Variants in SDK1 observed in about 807,000 individuals in gnomAD.
SDK1 encodes the protein protein sidekick-1.
In SDK1, 157 loss-of-function variants were observed where a neutral mutation model predicts 245.5. That is an observed-to-expected ratio of 0.64 (90% CI 0.56 to 0.73). The LOEUF (loss-of-function observed/expected upper bound fraction) is 0.73, where lower values mean the gene tolerates loss of function less well. SDK1 is among the 30% of genes least tolerant of loss of function. The pLI is 0.00. For synonymous variants in SDK1, 1,647 were observed against 1,278.5 expected (o/e 1.29, Z -6.15); for missense variants, 3,583 against 3,002.3 (o/e 1.19, Z -4.52).
At chr7:3,463,558 G>A (rs892012619) in intron 1 of SDK1, among the ~76,000 whole-genome samples, 2 of 152,142 alleles carry the variant, frequency 1.3e-5, no homozygotes, top group Admixed American at 6.5e-5. Flanking sequence ...CCAGTAAATG[G>A]GATCATTTAG....
chr7:3,567,956 A>G (rs192253033), intron 1 of SDK1, among the ~76,000 whole-genome samples: 1 of 152,240 alleles, frequency 6.6e-6, no homozygotes, highest in African/African-American at 2.4e-5. Flanking sequence ...AGCTGGGACC[A>G]CAGGTATGCA....
At chr7:4,233,600 C>T (rs573259212) in intron 41 of SDK1, among the ~76,000 whole-genome samples, 181 bp downstream of exon 41, 1 of 151,982 alleles carries the variant, frequency 6.6e-6, no homozygotes, top group Non-Finnish European at 1.5e-5. Context: ...TCGAGGGGGA[C>T]CCTGGGAGGT....
intron 1 of SDK1, among the ~76,000 whole-genome samples, chr7:3,436,308 A>T (rs1191000510): frequency 6.6e-6 from 1 of 152,170 alleles, no homozygotes; most frequent in Non-Finnish European, 1.5e-5. Context: ...TAGAGGGATG[A>T]TTACGAAATA....
intron 5 of SDK1, among the ~76,000 whole-genome samples, chr7:3,909,534 C>T (rs1215355358): frequency 2.0e-5 from 3 of 152,196 alleles, no homozygotes; most frequent in African/African-American, 7.2e-5. Context: ...CTCCCAAAGA[C>T]AGTAAGCTCG....
intron 4 of SDK1, among the ~76,000 whole-genome samples, chr7:3,688,194 T>C (rs148157110): frequency 1.3e-5 from 2 of 152,324 alleles, no homozygotes; most frequent in Non-Finnish European, 2.9e-5. Context: ...TCAAAACAAC[T>C]GAGGCTTTTA....
chr7:3,888,096 G>C lies in SDK1; in HGVS notation c.848-62827G>C, dbSNP rs538692475. 1.5e-4 allele frequency among the ~76,000 whole-genome samples: 23 copies of C among 152,318 alleles called. No homozygotes were observed. In the Middle Eastern group the frequency reaches 0.014, roughly 90 times the overall value. ...AAAGAGTTAGTAAAGAATTGGGTCA[G>C]CCTTACTGAAACAAATGGTTGAAGT... On this transcript the variant is annotated intron_variant, in intron 5 of 44. Coordinates refer to ENST00000404826, the MANE Select transcript of SDK1 (RefSeq NM_152744.4).
intron 4 of SDK1, among the ~76,000 whole-genome samples, chr7:3,714,914 G>A (rs973381440): frequency 5.3e-5 from 8 of 152,118 alleles, no homozygotes; most frequent in African/African-American, 1.9e-4. Flanking sequence ...AATGTGCTTT[G>A]AGAGAATGCA....
chr7:3,602,073 A>G (rs1781271344), intron 1 of SDK1, among the ~76,000 whole-genome samples: 2 of 151,742 alleles, frequency 1.3e-5, no homozygotes, highest in South Asian at 4.2e-4. Context: ...AATCCAGTCT[A>G]TCGTTGTTGG....
intron 1 of SDK1, among the ~76,000 whole-genome samples, chr7:3,558,827 T>C (rs1164929718): frequency 6.6e-6 from 1 of 152,160 alleles, no homozygotes; most frequent in East Asian, 1.9e-4. Context: ...TTAGAGACTG[T>C]CAAAATTATT....
At chr7:3,981,200 G>T (rs1002483864) in intron 13 of SDK1, among the ~76,000 whole-genome samples, 2 of 152,126 alleles carry the variant, frequency 1.3e-5, no homozygotes, top group Non-Finnish European at 2.9e-5. Context: ...GGCACTCCCT[G>T]ATCACTGATC....
At chr7:3,451,545 C>G (rs904276935) in intron 1 of SDK1, among the ~76,000 whole-genome samples, 1 of 151,468 alleles carries the variant, frequency 6.6e-6, no homozygotes, top group East Asian at 1.9e-4. Flanking sequence ...TCAGTGTTAT[C>G]AGCAGTAGAA....
At chr7:4,247,650 G>C (rs1298784061) in intron 44 of SDK1, among the ~76,000 whole-genome samples, 1 of 152,214 alleles carries the variant, frequency 6.6e-6, no homozygotes. Context: ...GCACCGTGGG[G>C]GTGTCATAGC....
chr7:4,188,799 G>C (rs1284310135), intron 35 of SDK1, among the ~76,000 whole-genome samples: 1 of 151,920 alleles, frequency 6.6e-6, no homozygotes, highest in African/African-American at 2.4e-5. Context: ...TTTTTCCCCC[G>C]AAACCATCTA....
chr7:4,248,590 ATACT>A (rs564448109), intron 44 of SDK1, among the ~76,000 whole-genome samples: 184 of 152,196 alleles, frequency 1.2e-3, no homozygotes, highest in African/African-American at 4.0e-3. Flanking sequence ...ACACACATGC[ATACT>A]TAAATACACA....
rs530358317 is a variant in SDK1 at position 4,144,078 on chromosome 7, G to A, written c.4229-1644G>A. ...CAAGGGTCGGGGAAACGGGAGGCCT[G>A]TGGGAAGAGCTGGCCCTCTCCCTAC... On this transcript the variant is annotated intron_variant, in intron 28 of 44. Coordinates refer to ENST00000404826, the MANE Select transcript of SDK1 (RefSeq NM_152744.4). Among the ~76,000 whole-genome samples the A allele has an allele frequency of 2.6e-5, 4 of 151,928 alleles. No individual in the cohort carries two copies. The East Asian group carries it at 7.8e-4, about 30-fold the overall frequency.
At chr7:3,929,939 G>C (rs981748197) in intron 5 of SDK1, among the ~76,000 whole-genome samples, 2 of 152,074 alleles carry the variant, frequency 1.3e-5, no homozygotes, top group African/African-American at 4.8e-5. Flanking sequence ...GGTGAGGGGA[G>C]CCGGCGTGTC....
rs71029682 is a variant in SDK1, at chr7:3,582,683, T to TAAAAAAAAAAAAAAAAA, written c.299-36387_299-36371dup. Among the ~76,000 whole-genome samples, 157 of 69,678 alleles carry TAAAAAAAAAAAAAAAAA rather than the reference T, an allele frequency of 2.3e-3. 12 individuals carry two copies. The highest frequency in any genetic ancestry group is 8.5e-3 in the African/African-American group (150 of 17,696). The allele number at this position is 69,678 out of a possible 152,430, so 45.7% of individuals were successfully genotyped here. ...ATGTAGCCCTGAACCTAAACTAAAG[T>TAAAAAAAAAAAAAAAAA]AAAAAAAAAAAAAAAAAAAAAAAAA... is the stretch of plus-strand genomic sequence containing the variant. On this transcript the variant is annotated intron_variant, in intron 1 of 44. Coordinates refer to ENST00000404826, the MANE Select transcript of SDK1 (RefSeq NM_152744.4).
At chr7:3,685,975 A>G (rs1038337044) in intron 4 of SDK1, among the ~76,000 whole-genome samples, 1 of 152,214 alleles carries the variant, frequency 6.6e-6, no homozygotes, top group African/African-American at 2.4e-5. Flanking sequence ...AATGAAAAAA[A>G]TGACCTAATA....
chr7:4,074,291 C>A (rs540344012), intron 20 of SDK1, among the ~76,000 whole-genome samples: 1 of 152,288 alleles, frequency 6.6e-6, no homozygotes, highest in South Asian at 2.1e-4. Context: ...TTAGTGTATC[C>A]TGTTTCTTCT....
Sources: gnomAD v4.1 joint callset for allele counts (sites outside exome capture counted in the v4.1 genomes callset) on GRCh38, gnomAD v4.1.1 for gene constraint, MANE v1.5 for transcripts, NCBI Gene and HGNC (gene_info 2026-07-23, HGNC 2026-07-21) for gene names.